MRE11: variants seen among roughly 807,000 people sequenced by gnomAD.
MRE11 encodes the protein MRE11 double strand break repair nuclease, also known as double-strand break repair protein MRE11.
In MRE11, 62 loss-of-function variants were observed where a neutral mutation model predicts 91.7. That is an observed-to-expected ratio of 0.68 (90% confidence interval 0.55 to 0.84). MRE11 has a LOEUF of 0.84. Ranked by LOEUF, MRE11 falls within the 40% of genes least tolerant of loss-of-function variation. The pLI is 0.00. For missense variants in MRE11, 796 were observed against 852.9 expected (o/e 0.93, Z 0.83); for synonymous variants, 273 against 271.4 (o/e 1.01, Z -0.06).
intron 4 of MRE11, among the ~76,000 whole-genome samples, chr11:94,482,919 C>T (rs1947049032): frequency 6.6e-6 from 1 of 152,032 alleles, no homozygotes. Flanking sequence ...GCTTGGGTGA[C>T]AGTAAGACTC....
the MRE11 span, among the ~76,000 whole-genome samples, chr11:94,500,232 T>C: frequency 3.9e-5 from 6 of 152,252 alleles, no homozygotes; most frequent in Non-Finnish European, 7.3e-5. Flanking sequence ...CATGATTCCA[T>C]GTAAACTTTC....
chr11:94,476,534 G>A (rs988893214), intron 6 of MRE11, 131 bp from the exon 7 acceptor site: 10 of 665,200 alleles, frequency 1.5e-5, no homozygotes, highest in Non-Finnish European at 2.6e-5. Context: ...TTGAATTCTG[G>A]AATAATTTAT....
In MRE11 at chr11:94,419,240, A is replaced by G. The variant is rs1164501076; in HGVS notation, c.*885T>C. On this transcript the variant is annotated 3_prime_UTR_variant, in exon 20 of 20. Coordinates refer to ENST00000323929, the MANE Select transcript of MRE11 (RefSeq NM_005591.4). ...ACAGGAACCAAAGTTGAGATAAAAT[A>G]TTGTTAATGAGAAATCCTGGCATTG... The G allele has an allele frequency of 4.3e-6, 1 of 232,884 alleles. No homozygotes were observed. Among genetic ancestry groups the G allele is most frequent in the East Asian group, 6.1e-5 (1 of 16,486 alleles). 14.4% of individuals were successfully genotyped at this position (232,884 alleles called of 1,614,324 possible). A position where few individuals can be genotyped will look rare whatever the true frequency, so the allele number is the denominator to read the frequency against.
At chr11:94,447,036 A>G (rs973592253) in intron 15 of MRE11, among the ~76,000 whole-genome samples, 183 bp downstream of exon 15, 6 of 152,244 alleles carry the variant, frequency 3.9e-5, no homozygotes, top group Non-Finnish European at 7.3e-5. Flanking sequence ...TTCAAAATTT[A>G]TTTAAGTAAA....
chr11:94,464,065 C>T (rs1460764304), intron 11 of MRE11, 48 bp downstream of exon 11: 1 of 1,587,250 alleles, frequency 6.3e-7, no homozygotes, highest in East Asian at 2.2e-5. Context: ...GATTCCTTCA[C>T]AAATCCTATA....
upstream of MRE11, chr11:94,496,580 T>G: frequency 1.0e-6 from 1 of 965,550 alleles, no homozygotes; most frequent in Admixed American, 2.6e-5. Context: ...GTTTTACTAA[T>G]AACTTTTGTA....
At chr11:94,473,083 G>C (rs572369788) in intron 7 of MRE11, 1 of 152,220 alleles carries the variant, frequency 6.6e-6, no homozygotes, top group African/African-American at 2.4e-5. Context: ...GAGAGAGAAA[G>C]TCCTAAGCAG....
At chr11:94,451,971 C>T (rs544424219) in intron 14 of MRE11, among the ~76,000 whole-genome samples, 189 of 152,060 alleles carry the variant, frequency 1.2e-3, no homozygotes, top group Middle Eastern at 3.4e-3. Flanking sequence ...TTTGGGAGGC[C>T]GAGGCGGGTG....
At position 94,420,200 on chromosome 11, in the gene MRE11, G is replaced by A. The variant is rs1194127919; in HGVS notation, c.2071-19C>T. ...CATCATCCTGAAATGAGATACAAAT[G>A]TTGTATTAGTGATTGTTCCCTGCTT... On this transcript the variant is annotated intron_variant, in intron 19 of 19. Transcript: ENST00000323929. 6.4e-7 allele frequency: 1 copy of A among 1,571,818 alleles called. No homozygotes were observed. The highest frequency in any genetic ancestry group is 8.7e-7 in the Non-Finnish European group (1 of 1,151,978).
chr11:94,478,030 G>A (rs1946913291), intron 6 of MRE11, among the ~76,000 whole-genome samples: 1 of 152,136 alleles, frequency 6.6e-6, no homozygotes, highest in Non-Finnish European at 1.5e-5. Context: ...AGTTTATAAT[G>A]AAGAGCTGGG....
chr11:94,505,021 C>T, the MRE11 span, among the ~76,000 whole-genome samples: 2 of 152,148 alleles, frequency 1.3e-5, no homozygotes, highest in African/African-American at 2.4e-5. Context: ...GACATAATGT[C>T]ATAGCACAAC....
intron 3 of MRE11, among the ~76,000 whole-genome samples, chr11:94,489,256 G>T (rs1360607337): frequency 6.6e-6 from 1 of 152,026 alleles, no homozygotes; most frequent in African/African-American, 2.4e-5. Context: ...GCCCCACCAA[G>T]ATCAATGTGC....
At chr11:94,480,162 C>T (rs1215987653) in intron 4 of MRE11, among the ~76,000 whole-genome samples, 1 of 152,146 alleles carries the variant, frequency 6.6e-6, no homozygotes, top group African/African-American at 2.4e-5. Context: ...TCACTTATTG[C>T]CTGTTCAAAT....
At chr11:94,469,031 TAAAA>T (rs1946641023) in intron 9 of MRE11, among the ~76,000 whole-genome samples, 1 of 152,078 alleles carries the variant, frequency 6.6e-6, no homozygotes, top group African/African-American at 2.4e-5. Flanking sequence ...CACATGCTTA[TAAAA>T]AATAATATAA....
At chr11:94,511,565 C>T in the MRE11 span, among the ~76,000 whole-genome samples, 2 of 152,188 alleles carry the variant, frequency 1.3e-5, no homozygotes, top group Admixed American at 6.5e-5. Context: ...AGAGAAATCT[C>T]GTCTTTCATC....
intron 19 of MRE11, 62 bp from the exon 20 acceptor site, chr11:94,420,243 A>C: frequency 7.4e-7 from 1 of 1,354,206 alleles, no homozygotes; most frequent in South Asian, 1.2e-5. Flanking sequence ...ACAAGACAGA[A>C]GTTCTTATGG....
Position 94,420,000 on chromosome 11 carries a change from A to C in MRE11, c.*125T>G. The C allele has an allele frequency of 1.7e-5, 12 of 704,834 alleles. No individual in the cohort carries two copies. The highest frequency in any genetic ancestry group is 2.6e-5 in the Admixed American group (1 of 38,290). 43.7% of individuals were successfully genotyped at this position (704,834 alleles called of 1,614,324 possible). Reference sequence around the variant, plus strand: ...CAATGCTATTGTATGTCTGTGAACTAGAAATTTCTTACTTATGGAGTTATG... The same window carrying C: ...CAATGCTATTGTATGTCTGTGAACTCGAAATTTCTTACTTATGGAGTTATG... On this transcript the variant is annotated 3_prime_UTR_variant, in exon 20 of 20. Transcript: ENST00000323929.
intron 19 of MRE11, among the ~76,000 whole-genome samples, chr11:94,423,670 A>G (rs895243595): frequency 6.6e-6 from 1 of 152,148 alleles, no homozygotes; most frequent in South Asian, 2.1e-4. Flanking sequence ...TCTGCTGCCT[A>G]GCCTTGTTTT....
chr11:94,419,408 G>T lies in MRE11; in HGVS notation c.*717C>A, dbSNP rs1334604632. The T allele has an allele frequency of 1.4e-5, 3 of 221,992 alleles. No homozygotes were observed. In the East Asian group the frequency reaches 1.9e-4, roughly 14 times the overall value. The allele number at this position is 221,992 out of a possible 1,614,324, so 13.8% of individuals were successfully genotyped here. ...CTCCTAGAACTAGGCACGCATATAT[G>T]TATGAAAGAGAAGAAAAAGCAAAGG... On this transcript the variant is annotated 3_prime_UTR_variant, in exon 20 of 20. Coordinates refer to ENST00000323929, the MANE Select transcript of MRE11 (RefSeq NM_005591.4).
Sources: gnomAD v4.1 joint callset for allele counts (sites outside exome capture counted in the v4.1 genomes callset) on GRCh38, gnomAD v4.1.1 for gene constraint, MANE v1.5 for transcripts, NCBI Gene and HGNC (gene_info 2026-07-23, HGNC 2026-07-21) for gene names.